Variants in AKAP10 observed in about 807,000 individuals in gnomAD.
AKAP10 encodes A-kinase anchoring protein 10, also known as A-kinase anchor protein 10, mitochondrial.
In AKAP10, 24 loss-of-function variants were observed where a neutral mutation model predicts 80.8. That is an observed-to-expected ratio of 0.30 (90% CI 0.22 to 0.42). AKAP10 has a LOEUF of 0.42. Ranked by LOEUF, AKAP10 falls within the 10% of genes least tolerant of loss-of-function variation. The pLI, the probability that AKAP10 is intolerant of heterozygous loss-of-function variation, is 1.00. For synonymous variants in AKAP10, 291 were observed against 277.7 expected, an observed-to-expected ratio of 1.05 and a Z score of -0.48; for missense variants, 661 against 794.9, an observed-to-expected ratio of 0.83 and a Z score of 2.03.
At chr17:19,918,176 C>T (rs2042769343) in intron 12 of AKAP10, among the ~76,000 whole-genome samples, 1 of 148,208 alleles carries the variant, frequency 6.7e-6, no homozygotes, top group Non-Finnish European at 1.5e-5. Flanking sequence ...GCTGAGATCG[C>T]ACCATTGCAC....
intron 8 of AKAP10, among the ~76,000 whole-genome samples, chr17:19,939,271 C>T (rs1487058140): frequency 6.6e-6 from 1 of 152,166 alleles, no homozygotes; most frequent in African/African-American, 2.4e-5. Flanking sequence ...CCCTTACAAT[C>T]TATTCCAATT....
rs1363324235 is a variant in AKAP10 at position 19,931,985 on chromosome 17, G to T, written c.1468-7C>A. On this transcript the variant is annotated splice_polypyrimidine_tract_variant and splice_region_variant and intron_variant, in intron 9 of 14. Transcript: ENST00000225737. ...AAAAGCCAGGCAAAAAGACCTGATA[G>T]AGATGAAAAGCATTATTTTAAAGTT... The T allele has an allele frequency of 1.2e-6, 2 of 1,603,370 alleles. No individual in the cohort carries two copies. The highest frequency in any genetic ancestry group is 8.5e-7 in the Non-Finnish European group (1 of 1,175,960).
At chr17:19,939,181 C>G (rs1399463749) in intron 8 of AKAP10, among the ~76,000 whole-genome samples, 1 of 152,090 alleles carries the variant, frequency 6.6e-6, no homozygotes, top group African/African-American at 2.4e-5. Flanking sequence ...TCAGTGAAAA[C>G]TAATAAAAAA....
chr17:19,914,628 CAAAAAA>C (rs36071856), intron 12 of AKAP10, among the ~76,000 whole-genome samples: 3 of 58,514 alleles, frequency 5.1e-5, no homozygotes, highest in Non-Finnish European at 9.8e-5. Flanking sequence ...GACCCTATCT[CAAAAAA>C]AAAAAAAAAA....
intron 3 of AKAP10, among the ~76,000 whole-genome samples, chr17:19,961,627 G>A (rs1438721287): frequency 1.3e-5 from 2 of 152,034 alleles, no homozygotes; most frequent in Non-Finnish European, 1.5e-5. Context: ...TTCAACTTAT[G>A]ACAACATGAC....
intron 12 of AKAP10, among the ~76,000 whole-genome samples, chr17:19,913,239 C>T (rs541172123): frequency 2.6e-5 from 4 of 151,422 alleles, no homozygotes; most frequent in South Asian, 4.2e-4. Context: ...TTGCAACCTC[C>T]GCCTCCCGGG....
chr17:19,962,261 A>AACAT (rs59111461), intron 3 of AKAP10, among the ~76,000 whole-genome samples: 2,075 of 150,654 alleles, frequency 0.014, 42 homozygotes, highest in African/African-American at 0.045. Flanking sequence ...AATAGCCTTC[A>AACAT]ACATACATAC....
intron 4 of AKAP10, among the ~76,000 whole-genome samples, chr17:19,949,359 GA>G (rs1410164914): frequency 6.6e-6 from 1 of 150,812 alleles, no homozygotes; most frequent in Non-Finnish European, 1.5e-5. Flanking sequence ...TGAACAACAG[GA>G]AAAAAAAATT....
chr17:19,973,131 C>G (rs1416320846), intron 1 of AKAP10, among the ~76,000 whole-genome samples: 2 of 152,100 alleles, frequency 1.3e-5, no homozygotes, highest in African/African-American at 4.8e-5. Flanking sequence ...AGACACCCAC[C>G]ACCATGCCCA....
At chr17:19,922,671 C>T (rs977695100) in intron 11 of AKAP10, among the ~76,000 whole-genome samples, 6 of 152,082 alleles carry the variant, frequency 3.9e-5, no homozygotes, top group South Asian at 2.1e-4. Flanking sequence ...GAAGCCAAGG[C>T]GGGTGGATCA....
chr17:19,958,626 A>T (rs982499495), intron 3 of AKAP10, 55 bp from the exon 4 acceptor site: 61 of 1,474,704 alleles, frequency 4.1e-5, no homozygotes, highest in Non-Finnish European at 5.5e-5. Context: ...TTTCAGATTG[A>T]CAGATTAGTC....
At position 19,947,337 on chromosome 17, in the gene AKAP10, A is replaced by G. The variant is rs533234639; in HGVS notation, c.976+70T>C. On this transcript the variant is annotated intron_variant, in intron 5 of 14. Transcript: ENST00000225737. ...TGTTAAGAAAAAATTATCTTAGTCA[A>G]TAACGAAAATTGTCAGTTCTGTGCA... The G allele has an allele frequency of 5.4e-5, 64 of 1,190,334 alleles. No homozygotes were observed. The East Asian group carries it at 1.2e-3, about 23-fold the overall frequency. The allele number at this position is 1,190,334 out of a possible 1,614,324, so 73.7% of individuals were successfully genotyped here. A position where few individuals can be genotyped will look rare whatever the true frequency, so the allele number is the denominator to read the frequency against.
In AKAP10 at chr17:19,962,993, T is replaced by A; in HGVS notation, c.166A>T (p.Ser56Cys). 6.2e-7 allele frequency: 1 copy of A among 1,612,866 alleles called. No homozygotes were observed. Among genetic ancestry groups the A allele is most frequent in the East Asian group, 2.2e-5 (1 of 44,854 alleles). Reference protein sequence around the residue: ...ASISVHSPQKSTKNHALLEAA... With the variant: ...ASISVHSPQKCTKNHALLEAA... ...TCCAGCAAGGCATGATTTTTAGTGCTTTTTTGTGGGGAATGTACGGATATT... is the reference window on the plus strand; with the variant it reads ...TCCAGCAAGGCATGATTTTTAGTGCATTTTTGTGGGGAATGTACGGATATT... The change falls in exon 3 of 15, where the codon AGC becomes TGC. Residue 56 changes from serine to cysteine, a missense_variant. Ser to Cys is a moderately radical substitution (Grantham distance 112, BLOSUM62 -1). Transcript: ENST00000225737.
In AKAP10 at chr17:19,977,650, C is replaced by A. The variant is rs1256749676; in HGVS notation, c.30G>T (p.Gln10His). Reference sequence around the variant, plus strand: ...GGTCGGGACGGAGGGTGCGGGGGGACTGGCGCGGGGAGGGCCCGGCTCCCC... The same window carrying A: ...GGTCGGGACGGAGGGTGCGGGGGGAATGGCGCGGGGAGGGCCCGGCTCCCC... The part of the protein sequence containing the change: MRGAGPSPR[Q>H]SPRTLRPDPG... The change falls in exon 1 of 15, where the codon CAG becomes CAT. Residue 10 changes from glutamine (Q) to histidine (H), a missense_variant. Physicochemically the swap from Gln to His is conservative, Grantham distance 24. Transcript: ENST00000225737. The A allele has an allele frequency of 3.2e-6, 4 of 1,235,310 alleles. No homozygotes were observed. Among genetic ancestry groups the A allele is most frequent in the Non-Finnish European group, 3.0e-6 (3 of 987,950 alleles). 76.5% of individuals were successfully genotyped at this position (1,235,310 alleles called of 1,614,324 possible).
chr17:19,933,817 C>T (rs850623), intron 9 of AKAP10, among the ~76,000 whole-genome samples: 64,387 of 152,010 alleles, frequency 0.42, 14,379 homozygotes, highest in African/African-American at 0.57. Context: ...ATGACACATA[C>T]AAGCAACATA....
At chr17:19,942,482 C>T (rs762197982) in intron 5 of AKAP10, among the ~76,000 whole-genome samples, 2 of 152,134 alleles carry the variant, frequency 1.3e-5, no homozygotes, top group Non-Finnish European at 2.9e-5. Flanking sequence ...GGGATACAAA[C>T]ACCTTTTTCT....
intron 4 of AKAP10, among the ~76,000 whole-genome samples, chr17:19,951,399 C>A (rs1439341877): frequency 5.3e-5 from 8 of 152,208 alleles, no homozygotes; most frequent in African/African-American, 1.7e-4. Flanking sequence ...GGAGGTGTAC[C>A]CAACAGCTCA....
intron 3 of AKAP10, among the ~76,000 whole-genome samples, chr17:19,962,158 A>T (rs2043357666): frequency 6.6e-6 from 1 of 152,162 alleles, no homozygotes; most frequent in Non-Finnish European, 1.5e-5. Flanking sequence ...ATTATACTCC[A>T]GAGCATGCGT....
intron 11 of AKAP10, among the ~76,000 whole-genome samples, chr17:19,920,548 A>G (rs1348686546): frequency 6.6e-6 from 1 of 152,200 alleles, no homozygotes; most frequent in East Asian, 1.9e-4. Flanking sequence ...AACAAAGTTA[A>G]AAAGCAAAAA....
Sources: gnomAD v4.1 joint callset for allele counts (sites outside exome capture counted in the v4.1 genomes callset) on GRCh38, gnomAD v4.1.1 for gene constraint, MANE v1.5 for transcripts, NCBI Gene and HGNC (gene_info 2026-07-23, HGNC 2026-07-21) for gene names.